XPNPEP1: variants seen among roughly 807,000 people sequenced by gnomAD.
XPNPEP1 encodes X-prolyl aminopeptidase 1.
Under a neutral mutation model 92.4 loss-of-function variants are expected in XPNPEP1, and 39 were observed. The observed-to-expected ratio is 0.42, with a 90% CI of 0.33 to 0.55. The LOEUF is 0.55. Ranked by LOEUF, XPNPEP1 falls within the 20% of genes least tolerant of loss-of-function variation. The pLI, the probability that XPNPEP1 is intolerant of heterozygous loss-of-function variation, is 0.08. For synonymous variants in XPNPEP1, 307 were observed against 299.4 expected, an observed-to-expected ratio of 1.03 and a Z score of -0.26; for missense variants, 654 against 856.1, an observed-to-expected ratio of 0.76 and a Z score of 2.95.
At chr10:109,902,691 G>C (rs1849348683) in intron 3 of XPNPEP1, among the ~76,000 whole-genome samples, 1 of 152,250 alleles carries the variant, frequency 6.6e-6, no homozygotes. Flanking sequence ...GTGCAAAAAT[G>C]TAAGTCTGTG....
At chr10:109,868,748 C>G in intron 19 of XPNPEP1, 36 bp from the exon 20 acceptor site, 4 of 1,578,982 alleles carry the variant, frequency 2.5e-6, no homozygotes, top group Non-Finnish European at 3.5e-6. Context: ...GCTTTTACTC[C>G]TCTTTACTAT....
chr10:109,907,837 T>C (rs1481737219), intron 2 of XPNPEP1, 22 bp from the exon 3 acceptor site: 1 of 1,613,340 alleles, frequency 6.2e-7, no homozygotes, highest in African/African-American at 1.3e-5. Context: ...GGAGAGCAAA[T>C]TTCAAAACCA....
At chr10:109,908,705 A>T (rs956218622) in intron 2 of XPNPEP1, among the ~76,000 whole-genome samples, 1 of 152,268 alleles carries the variant, frequency 6.6e-6, no homozygotes, top group Non-Finnish European at 1.5e-5. Flanking sequence ...TTCTAGAAGG[A>T]CAGTCACCCA....
At chr10:109,870,932 G>C (rs1250658067) in intron 17 of XPNPEP1, 28 bp from the exon 18 acceptor site, 1 of 1,608,362 alleles carries the variant, frequency 6.2e-7, no homozygotes, top group African/African-American at 1.3e-5. Context: ...CCACTTAATT[G>C]TATTTGTACA....
chr10:109,916,568 C>T (rs1850204070), intron 1 of XPNPEP1, among the ~76,000 whole-genome samples: 1 of 152,192 alleles, frequency 6.6e-6, no homozygotes, highest in Non-Finnish European at 1.5e-5. Flanking sequence ...AACCAGATAA[C>T]CAGGCAGCTT....
intron 2 of XPNPEP1, among the ~76,000 whole-genome samples, chr10:109,910,190 A>C (rs367974443): frequency 3.3e-5 from 5 of 152,186 alleles, no homozygotes; most frequent in African/African-American, 1.2e-4. Context: ...CTGTTCTAAA[A>C]TGTCATATAG....
chr10:109,891,642 G>C, intron 5 of XPNPEP1, 80 bp downstream of exon 5: 1 of 1,171,166 alleles, frequency 8.5e-7, no homozygotes, highest in East Asian at 2.6e-5. Flanking sequence ...AAAGGATTAA[G>C]ATCCAGGAGT....
chr10:109,898,992 T>G (rs1342674090), intron 3 of XPNPEP1, among the ~76,000 whole-genome samples: 1 of 152,190 alleles, frequency 6.6e-6, no homozygotes, highest in Non-Finnish European at 1.5e-5. Flanking sequence ...GCCTCAAATA[T>G]ACAAGGTTCT....
intron 8 of XPNPEP1, among the ~76,000 whole-genome samples, chr10:109,885,500 G>C (rs1308498367): frequency 6.6e-6 from 1 of 152,142 alleles, no homozygotes; most frequent in Non-Finnish European, 1.5e-5. Context: ...CTGACGTTGA[G>C]ATCATTAAGT....
chr10:109,865,170 C>T lies in XPNPEP1; in HGVS notation c.*14G>A, dbSNP rs375157786. 47 of 1,613,840 alleles carry T rather than the reference C, an allele frequency of 2.9e-5. No homozygotes were observed. Among genetic ancestry groups the T allele is most frequent in the African/African-American group, 2.8e-4 (21 of 74,980 alleles). ...CCAGAGCATTTTACAAAAACAAAAC[C>T]GGGGAGGTATTTATTAATGCTGTTT... is the stretch of plus-strand genomic sequence containing the variant. On this transcript the variant is annotated 3_prime_UTR_variant, in exon 21 of 21. Transcript: ENST00000502935.
chr10:109,919,272 T>A (rs1297781100), intron 1 of XPNPEP1, among the ~76,000 whole-genome samples: 4 of 152,194 alleles, frequency 2.6e-5, no homozygotes, highest in Non-Finnish European at 5.9e-5. Context: ...AAAGAACTAT[T>A]ATAACTCAAC....
intron 18 of XPNPEP1, 100 bp downstream of exon 18, chr10:109,870,631 T>C (rs1215282371): frequency 1.7e-5 from 24 of 1,440,206 alleles, no homozygotes; most frequent in Non-Finnish European, 2.2e-5. Flanking sequence ...GGGAAAAGTA[T>C]TGCCAATTTA....
Position 109,883,097 on chromosome 10 carries a change from G to A in XPNPEP1, c.831-455C>T, listed in dbSNP as rs1022068283. ...ACATGTGGTTCCCTCTGAAAAATTC[G>A]TTCAATAGCTTCCCACTATTCTTGT... On this transcript the variant is annotated intron_variant, in intron 9 of 20. Transcript: ENST00000502935. 6.6e-5 allele frequency among the ~76,000 whole-genome samples: 10 copies of A among 152,092 alleles called. No individual in the cohort carries two copies. The East Asian group carries it at 1.2e-3, about 18-fold the overall frequency.
At chr10:109,921,680 C>T in intron 1 of XPNPEP1, among the ~76,000 whole-genome samples, 1 of 152,196 alleles carries the variant, frequency 6.6e-6, no homozygotes, top group African/African-American at 2.4e-5. Flanking sequence ...CAGAATCCAT[C>T]CCTCCTTTTG....
At chr10:109,908,343 G>C (rs570309754) in intron 2 of XPNPEP1, among the ~76,000 whole-genome samples, 62 of 152,342 alleles carry the variant, frequency 4.1e-4, no homozygotes, top group African/African-American at 1.4e-3. Flanking sequence ...AGTGGCTCAC[G>C]CCTTTAATTC....
chr10:109,884,201 G>A, intron 8 of XPNPEP1, 53 bp from the exon 9 acceptor site: 1 of 1,570,488 alleles, frequency 6.4e-7, no homozygotes, highest in Admixed American at 1.7e-5. Context: ...ATGTTAAGGG[G>A]TCGCTTGTAG....
intron 17 of XPNPEP1, 177 bp from the exon 18 acceptor site, chr10:109,871,081 GA>G (rs1368903217): frequency 7.4e-6 from 5 of 676,922 alleles, no homozygotes; most frequent in Non-Finnish European, 1.2e-5. Context: ...GAAACCATCA[GA>G]GCTCAGTCTG....
Position 109,915,016 on chromosome 10 carries a change from T to G in XPNPEP1, c.116A>C (p.Glu39Ala), listed in dbSNP as rs759236167. ...EVTHSGDTGV[E>A]TDGRMPPKVT... ...TTTCCAGACAAAATTATTACCTGTTTCCACACCTGTGTCTCCTGAGTGTGT... is the reference window on the plus strand; with the variant it reads ...TTTCCAGACAAAATTATTACCTGTTGCCACACCTGTGTCTCCTGAGTGTGT... Residue 39 changes from glutamate (E) to alanine (A), a missense_variant, in exon 2 of 21, where the codon GAA becomes GCA. Physicochemically the swap from Glu to Ala is moderately radical, Grantham distance 107. Coordinates refer to ENST00000502935, the MANE Select transcript of XPNPEP1 (RefSeq NM_020383.4). 9.2e-6 allele frequency: 14 copies of G among 1,523,430 alleles called. No homozygotes were observed. Among genetic ancestry groups the G allele is most frequent in the Non-Finnish European group, 1.1e-5 (13 of 1,139,104 alleles). 94.4% of individuals were successfully genotyped at this position (1,523,430 alleles called of 1,614,324 possible).
chr10:109,871,899 A>G (rs1847504382), intron 16 of XPNPEP1, 38 bp from the exon 17 acceptor site: 1 of 1,598,664 alleles, frequency 6.3e-7, no homozygotes, highest in Non-Finnish European at 8.6e-7. Context: ...CAGAATGGGG[A>G]CAGATGTCTA....
Sources: allele counts gnomAD v4.1 joint callset (sites outside exome capture counted in the v4.1 genomes callset), GRCh38; gene constraint gnomAD v4.1.1; transcripts MANE v1.5; gene names NCBI Gene and HGNC (gene_info 2026-07-23, HGNC 2026-07-21).